The following MEIS3 variants were observed in gnomAD, a reference collection of about 807,000 sequenced individuals.
MEIS3 encodes the protein homeobox protein Meis3.
MEIS3 carries 38 observed loss-of-function variants against 51.4 expected under a neutral mutation model. The ratio of observed to expected loss-of-function variants is 0.74; its 90% CI spans 0.57 to 0.97. The LOEUF (loss-of-function observed/expected upper bound fraction) is 0.97, where lower values mean the gene tolerates loss of function less well. MEIS3 is among the 50% of genes least tolerant of loss of function. MEIS3 has a pLI of 0.00. For missense variants in MEIS3, 456 were observed against 502.6 expected (o/e 0.91, Z 0.89); for synonymous variants, 198 against 201.8 (o/e 0.98, Z 0.16).
Position 47,406,901 on chromosome 19 carries a change from G to T in MEIS3, c.1065C>A (p.Ala355=). Residue 355 remains alanine, a synonymous_variant, in exon 11 of 13, where the codon GCC becomes GCA. Transcript: ENST00000558555. ...GGCGAGGCTTACCCGGAGGCCGGAC[G>T]GCCACGTGTGGCTGCGTCTCGGTAT... is the stretch of plus-strand genomic sequence containing the variant. ...GGYTETQPHV[A]VRPPGSVGMS... The T allele has an allele frequency of 6.4e-7, 1 of 1,574,156 alleles. No individual in the cohort carries two copies. The highest frequency in any genetic ancestry group is 8.6e-7 in the Non-Finnish European group (1 of 1,162,314).
At position 47,407,084 on chromosome 19, in the gene MEIS3, C is replaced by A. The variant is rs111317308; in HGVS notation, c.989G>T (p.Arg330Leu). The A allele has an allele frequency of 1.5e-4, 246 of 1,610,776 alleles. No homozygotes were observed. In the African/African-American group the frequency reaches 3.1e-3, roughly 20 times the overall value. Residue 330 changes from arginine to leucine, a missense_variant, in exon 10 of 13, where the codon CGC (arginine) becomes CTC (leucine). Coordinates refer to ENST00000558555, the MANE Select transcript of MEIS3 (RefSeq NM_001301059.2). ...IVQPMIDQSN[R>L]TGQGAAFSPE... ...TCCCCGCCTTCCCCCTGTACCTGTG[C>A]GGTTGGATTGATCGATCATAGGTTG...
At chr19:47,408,114 C>T (rs1048417702) in intron 8 of MEIS3, among the ~76,000 whole-genome samples, 2 of 151,698 alleles carry the variant, frequency 1.3e-5, no homozygotes, top group Non-Finnish European at 2.9e-5. Flanking sequence ...CCTCCCTATC[C>T]ATTTCTTTCT....
In MEIS3 at chr19:47,403,292, C is replaced by T. The variant is rs1054126; in HGVS notation, c.*279G>A. ...TCTGTCCTGGCGGCGAGGCCCTAGCCGCCATCTTCTGGGGACCAAGGCCCA... is the reference window on the plus strand; with the variant it reads ...TCTGTCCTGGCGGCGAGGCCCTAGCTGCCATCTTCTGGGGACCAAGGCCCA... On this transcript the variant is annotated 3_prime_UTR_variant, in exon 13 of 13. Coordinates refer to ENST00000558555, the MANE Select transcript of MEIS3 (RefSeq NM_001301059.2). 2.4e-5 allele frequency: 9 copies of T among 382,794 alleles called. No homozygotes were observed. Among genetic ancestry groups the T allele is most frequent in the African/African-American group, 1.1e-4 (5 of 47,096 alleles). The allele number at this position is 382,794 out of a possible 1,614,324, so 23.7% of individuals were successfully genotyped here. A position where few individuals can be genotyped will look rare whatever the true frequency, so the allele number is the denominator to read the frequency against.
intron 11 of MEIS3, 98 bp downstream of exon 11, chr19:47,406,790 C>T (rs1970840495): frequency 1.7e-6 from 2 of 1,167,704 alleles, no homozygotes; most frequent in East Asian, 2.6e-5. Flanking sequence ...AAGTGACACA[C>T]TGTATTCCGC....
chr19:47,420,913 C>T (rs866995818), upstream of MEIS3, among the ~76,000 whole-genome samples: 54 of 95,918 alleles, frequency 5.6e-4, no homozygotes, highest in South Asian at 9.7e-3. Context: ...CTCTCTCTCA[C>T]ACACACACAC....
chr19:47,414,312 C>T (rs959666100), intron 6 of MEIS3, among the ~76,000 whole-genome samples: 14 of 152,096 alleles, frequency 9.2e-5, no homozygotes, highest in African/African-American at 1.9e-4. Context: ...TGGACACATA[C>T]TCAATTGAGA....
intron 1 of MEIS3, 138 bp from the exon 2 acceptor site, chr19:47,417,488 T>A: frequency 9.2e-7 from 1 of 1,087,312 alleles, no homozygotes; most frequent in Non-Finnish European, 1.4e-6. Flanking sequence ...TCCCCAGGTG[T>A]CTGAGCCCCC....
At chr19:47,415,898 TCTCTAG>T (rs995792657) in intron 4 of MEIS3, 2 of 151,220 alleles carry the variant, frequency 1.3e-5, no homozygotes, top group Admixed American at 6.6e-5. Context: ...TCTTTCTCTT[TCTCTAG>T]CTCTCTATGA....
intron 12 of MEIS3, among the ~76,000 whole-genome samples, chr19:47,404,742 G>C (rs957488578): frequency 5.9e-5 from 9 of 151,986 alleles, no homozygotes; most frequent in African/African-American, 2.2e-4. Flanking sequence ...CCCCATCCCA[G>C]GTCCAACACC....
In MEIS3 at chr19:47,417,148, G is replaced by T. The variant is rs1194860201; in HGVS notation, c.185+30C>A. The T allele has an allele frequency of 3.3e-6, 5 of 1,533,216 alleles. No individual in the cohort carries two copies. The African/African-American group carries it at 4.2e-5, about 13-fold the overall frequency. The allele number at this position is 1,533,216 out of a possible 1,614,324, so 95.0% of individuals were successfully genotyped here. A position where few individuals can be genotyped will look rare whatever the true frequency, so the allele number is the denominator to read the frequency against. On this transcript the variant is annotated intron_variant, in intron 2 of 12. Transcript: ENST00000558555. ...AGAAGCAGAAAGACAGAGAGAGAGA[G>T]ACAGGAGCCTGAGACCCGGCCCCAC...
rs781072573 is a variant in MEIS3, at chr19:47,416,948, G to A, written c.201C>T (p.Pro67=). Residue 67 remains proline (P), a synonymous_variant, in exon 3 of 13, where the codon CCC becomes CCT. Transcript: ENST00000558555. Reference sequence around the variant, plus strand: ...ATTTCTCAAAGACCAGGGCCAAGAGGGGGAAGAGCGGGTGTCTGGGGAGGC... The same window carrying A: ...ATTTCTCAAAGACCAGGGCCAAGAGAGGGAAGAGCGGGTGTCTGGGGAGGC... ...KDEIYGHPLF[P]LLALVFEKCE... The A allele has an allele frequency of 8.2e-6, 13 of 1,589,688 alleles. No individual in the cohort carries two copies. In the African/African-American group the frequency reaches 1.5e-4, roughly 18 times the overall value.
rs1971471171 is a variant in MEIS3 at position 47,417,176 on chromosome 19, ACCCATAGAT to A, written c.178_185+1del. ...AGGAGCCTGAGACCCGGCCCCACTC[ACCCATAGAT>A]CTCATCCTTCTCCCTCTTCAGGCCG... On this transcript the variant is annotated splice_donor_variant and coding_sequence_variant, in exon 2 of 13. Coordinates refer to ENST00000558555, the MANE Select transcript of MEIS3 (RefSeq NM_001301059.2). LOFTEE classifies it high-confidence loss of function. 6.5e-7 allele frequency: 1 copy of A among 1,539,590 alleles called. No individual in the cohort carries two copies. The highest frequency in any genetic ancestry group is 2.3e-5 in the East Asian group (1 of 44,264).
chr19:47,403,903 GAGAA>G (rs960809606), intron 12 of MEIS3, among the ~76,000 whole-genome samples: 3 of 151,970 alleles, frequency 2.0e-5, no homozygotes, highest in Non-Finnish European at 2.9e-5. Flanking sequence ...AATGGAGAGA[GAGAA>G]AGAGAGACAG....
At chr19:47,421,357 G>GA (rs1971711027), upstream of MEIS3, among the ~76,000 whole-genome samples, 1 of 152,138 alleles carries the variant, frequency 6.6e-6, no homozygotes, top group Non-Finnish European at 1.5e-5. Context: ...GCCCCAACCT[G>GA]AGCACCGACC....
intron 2 of MEIS3, 85 bp downstream of exon 2, chr19:47,417,093 G>C: frequency 1.3e-6 from 2 of 1,538,778 alleles, no homozygotes; most frequent in Non-Finnish European, 1.7e-6. Context: ...CTCGTACACA[G>C]AGAGAGACAG....
chr19:47,416,807 C>T lies in MEIS3; in HGVS notation c.342G>A (p.Lys114=), dbSNP rs1230517132. 4 of 1,613,390 alleles carry T rather than the reference C, an allele frequency of 2.5e-6. No homozygotes were observed. In the African/African-American group the frequency reaches 4.0e-5, roughly 16 times the overall value. The change falls in exon 3 of 13, where the codon AAG becomes AAA. Residue 114 remains lysine (K), a synonymous_variant. Coordinates refer to ENST00000558555, the MANE Select transcript of MEIS3 (RefSeq NM_001301059.2). The part of the protein sequence containing the change: ...SFNEDIAAFA[K]QVRSERPLFS... ...GTGGTGGGTGGGAGGTGCCCACCTGCTTGGCAAAGGCAGCGATGTCCTCGT... is the reference window on the plus strand; with the variant it reads ...GTGGTGGGTGGGAGGTGCCCACCTGTTTGGCAAAGGCAGCGATGTCCTCGT...
intron 6 of MEIS3, chr19:47,412,164 A>T (rs957727356): frequency 6.6e-6 from 1 of 151,946 alleles, no homozygotes; most frequent in East Asian, 1.9e-4. Context: ...ACTCCAACAC[A>T]CTTTGAGGAA....
chr19:47,418,891 G>T, intron 1 of MEIS3, 179 bp downstream of exon 1: 1 of 403,686 alleles, frequency 2.5e-6, no homozygotes. Flanking sequence ...AGAGACACTT[G>T]GGGGCAGAGA....
In MEIS3 at chr19:47,417,146, G is replaced by C. The variant is rs761671347; in HGVS notation, c.185+32C>G. 2.6e-6 allele frequency: 4 copies of C among 1,535,938 alleles called. No homozygotes were observed. In the African/African-American group the frequency reaches 5.6e-5, roughly 21 times the overall value. ...AAAGAAGCAGAAAGACAGAGAGAGA[G>C]AGACAGGAGCCTGAGACCCGGCCCC... On this transcript the variant is annotated intron_variant, in intron 2 of 12. Coordinates refer to ENST00000558555, the MANE Select transcript of MEIS3 (RefSeq NM_001301059.2).
Sources: gnomAD v4.1 joint callset for allele counts (sites outside exome capture counted in the v4.1 genomes callset) on GRCh38, gnomAD v4.1.1 for gene constraint, MANE v1.5 for transcripts, NCBI Gene and HGNC (gene_info 2026-07-23, HGNC 2026-07-21) for gene names.